CYP4F3: variants seen among roughly 807,000 people sequenced by gnomAD.
The protein encoded by CYP4F3 is cytochrome P450 family 4 subfamily F member 3, also known as cytochrome P450 4F3.
Under a neutral mutation model 54.8 loss-of-function variants are expected in CYP4F3, and 50 were observed. That is an observed-to-expected ratio of 0.91 (90% CI 0.73 to 1.16). The LOEUF is 1.16. Among genes scored for constraint, CYP4F3 ranks in the 50% most tolerant of loss-of-function variants. The pLI is 0.00. For missense variants in CYP4F3, 715 were observed against 676.2 expected (o/e 1.06, Z -0.64); for synonymous variants, 244 against 262.6 (o/e 0.93, Z 0.69).
intron 9 of CYP4F3, among the ~76,000 whole-genome samples, chr19:15,653,578 G>A (rs569387322): frequency 1.3e-5 from 2 of 152,260 alleles, no homozygotes; most frequent in East Asian, 1.9e-4. Flanking sequence ...ACGTGGGCAG[G>A]GATGGGGTTT....
At chr19:15,649,522 A>C (rs1264809510) in intron 6 of CYP4F3, among the ~76,000 whole-genome samples, 2 of 152,198 alleles carry the variant, frequency 1.3e-5, no homozygotes, top group Admixed American at 6.5e-5. Context: ...GTAGCACTAA[A>C]TGGAGTTAAC....
In CYP4F3 at chr19:15,646,122, T is replaced by C. The variant is rs1040163133; in HGVS notation, c.343+259T>C. Among the ~76,000 whole-genome samples the C allele has an allele frequency of 2.0e-4, 30 of 152,316 alleles. 1 individual carries two copies. Among genetic ancestry groups the C allele is most frequent in the Middle Eastern group, 3.4e-3 (1 of 294 alleles). On this transcript the variant is annotated intron_variant, in intron 3 of 12. Coordinates refer to ENST00000221307, the MANE Select transcript of CYP4F3 (RefSeq NM_000896.3). ...GTACGGCTACGTCTTGTCACCTGTA[T>C]ATTTACACCTGGGTCCTGGTTACAC...
intron 9 of CYP4F3, among the ~76,000 whole-genome samples, chr19:15,655,998 CA>C (rs1408465950): frequency 6.6e-6 from 1 of 152,218 alleles, no homozygotes; most frequent in East Asian, 1.9e-4. Context: ...CCAGGCTGGG[CA>C]GCAGATCTCA....
intron 2 of CYP4F3, chr19:15,644,020 C>T (rs754129870): frequency 3.7e-6 from 6 of 1,601,642 alleles, no homozygotes; most frequent in South Asian, 3.4e-5. Flanking sequence ...TTTGCCACCC[C>T]AACATCATCC....
chr19:15,646,985 T>A, intron 3 of CYP4F3, 67 bp from the exon 4 acceptor site: 1 of 1,599,458 alleles, frequency 6.3e-7, no homozygotes, highest in Non-Finnish European at 8.5e-7. Context: ...GCTGGGAGCC[T>A]CCCCCCACCC....
chr19:15,652,725 C>A, intron 8 of CYP4F3, 90 bp downstream of exon 8: 1 of 1,607,502 alleles, frequency 6.2e-7, no homozygotes, highest in Non-Finnish European at 8.5e-7. Context: ...TCCCATCCCC[C>A]TTCCCCCATC....
intron 9 of CYP4F3, among the ~76,000 whole-genome samples, chr19:15,653,715 T>G: frequency 1.6e-5 from 2 of 127,916 alleles, no homozygotes; most frequent in African/African-American, 2.9e-5. Context: ...CCTGGGGTCT[T>G]CGGGGGAGGA....
In CYP4F3 at chr19:15,658,731, A is replaced by G. The variant is rs751549701; in HGVS notation, c.1319A>G (p.Tyr440Cys). Residue 440 changes from tyrosine (Y) to cysteine (C), a missense_variant, in exon 12 of 13, where the codon TAT (tyrosine) becomes TGT (cysteine). Physicochemically the swap from Tyr to Cys is radical, Grantham distance 194. Transcript: ENST00000221307. ...NPAVWPDPEV[Y>C]DPFRFDPKNI... ...CCTTCTTGGTCTCGCCTCCAGGTCT[A>G]TGACCCCTTTCGCTTTGACCCAAAG... is the stretch of plus-strand genomic sequence containing the variant. 9 of 1,614,128 alleles carry G rather than the reference A, an allele frequency of 5.6e-6. No individual in the cohort carries two copies. Among genetic ancestry groups the G allele is most frequent in the South Asian group, 2.2e-5 (2 of 91,072 alleles).
intron 9 of CYP4F3, among the ~76,000 whole-genome samples, chr19:15,655,390 TTC>T (rs752889258): frequency 9.2e-5 from 14 of 152,204 alleles, no homozygotes; most frequent in Non-Finnish European, 2.1e-4. Flanking sequence ...ATAATCTCAT[TTC>T]TCTATTGGCT....
rs149628126 is a variant in CYP4F3 at position 15,646,564 on chromosome 19, G to C, written c.344-488G>C. On this transcript the variant is annotated intron_variant, in intron 3 of 12. Transcript: ENST00000221307. The stretch of plus-strand genomic sequence containing the variant: ...GTTAGACCATCTCATGTGCATGTTA[G>C]AGCATACCATCTCATGTTAGGAATT... 3.0e-4 allele frequency among the ~76,000 whole-genome samples: 45 copies of C among 152,292 alleles called. No homozygotes were observed. In the East Asian group the frequency reaches 7.1e-3, roughly 24 times the overall value.
intron 9 of CYP4F3, among the ~76,000 whole-genome samples, chr19:15,657,718 A>T (rs1291626355): frequency 1.3e-5 from 2 of 148,730 alleles, no homozygotes; most frequent in Admixed American, 6.6e-5. Context: ...ATGGACATTT[A>T]AAAAAAGTAA....
intron 9 of CYP4F3, among the ~76,000 whole-genome samples, chr19:15,656,117 A>G (rs567383892): frequency 6.7e-4 from 100 of 148,774 alleles, no homozygotes; most frequent in African/African-American, 2.3e-3. Flanking sequence ...TTCTATTCCT[A>G]TTTCTATGAG....
In CYP4F3 at chr19:15,652,877, A is replaced by G. The variant is rs755821342; in HGVS notation, c.1040A>G (p.His347Arg). 8 of 1,613,814 alleles carry G rather than the reference A, an allele frequency of 5.0e-6. No individual in the cohort carries two copies. Among genetic ancestry groups the G allele is most frequent in the South Asian group, 1.1e-5 (1 of 91,062 alleles). ...TGGGTCCTGTACCACCTTGCAAAGC[A>G]CCCGGAATACCAGGAGCGCTGTCGG... The part of the protein sequence containing the change: ...LSWVLYHLAK[H>R]PEYQERCRQE... The change falls in exon 9 of 13, where the codon CAC (histidine) becomes CGC (arginine). Residue 347 changes from histidine (H) to arginine (R), a missense_variant. Coordinates refer to ENST00000221307, the MANE Select transcript of CYP4F3 (RefSeq NM_000896.3).
chr19:15,656,857 G>T (rs909920575), intron 9 of CYP4F3, among the ~76,000 whole-genome samples: 1 of 151,596 alleles, frequency 6.6e-6, no homozygotes, highest in African/African-American at 2.4e-5. Context: ...TGTTTTACAT[G>T]TACATATGTA....
In CYP4F3 at chr19:15,661,288, C is replaced by G. The variant is rs1193682407; in HGVS notation, c.*1903C>G. ...GTCTCAAAAACAAAACAAAACAAAA[C>G]AAAACAAAACAAAAACAAAACAAAA... On this transcript the variant is annotated 3_prime_UTR_variant, in exon 13 of 13. Transcript: ENST00000221307. 6.6e-6 allele frequency: 1 copy of G among 151,530 alleles called. No homozygotes were observed. The highest frequency in any genetic ancestry group is 1.5e-5 in the Non-Finnish European group (1 of 67,816). The allele number at this position is 151,530 out of a possible 1,614,324, so 9.4% of individuals were successfully genotyped here.
intron 2 of CYP4F3, chr19:15,643,881 G>T: frequency 6.6e-7 from 1 of 1,526,706 alleles, no homozygotes; most frequent in South Asian, 1.3e-5. Flanking sequence ...CATGACAGGA[G>T]GTGACGGCCC....
intron 7 of CYP4F3, among the ~76,000 whole-genome samples, chr19:15,651,372 CT>C (rs55874846): frequency 0.56 from 65,895 of 118,416 alleles, 22,365 homozygotes; most frequent in East Asian, 0.75. Context: ...ATATCTTTGT[CT>C]TTTTTTTTTT....
chr19:15,650,721 TTTC>T (rs1972793740), intron 7 of CYP4F3, among the ~76,000 whole-genome samples: 1 of 58,014 alleles, frequency 1.7e-5, no homozygotes, highest in Non-Finnish European at 3.1e-5. Flanking sequence ...TCTTTCTTTC[TTTC>T]TTTCTTTCTT....
chr19:15,651,610 G>A (rs1186595739), intron 7 of CYP4F3, among the ~76,000 whole-genome samples: 2 of 151,110 alleles, frequency 1.3e-5, no homozygotes, highest in South Asian at 2.1e-4. Flanking sequence ...GCCTCCCAAA[G>A]TGCTGGGATT....
Sources: allele counts gnomAD v4.1 joint callset (sites outside exome capture counted in the v4.1 genomes callset), GRCh38; gene constraint gnomAD v4.1.1; transcripts MANE v1.5; gene names NCBI Gene and HGNC (gene_info 2026-07-23, HGNC 2026-07-21).